ERLIN1: variants seen among roughly 807,000 people sequenced by gnomAD.
ERLIN1 encodes the protein erlin-1.
Under a neutral mutation model 46.9 loss-of-function variants are expected in ERLIN1, and 24 were observed. The observed-to-expected ratio is 0.51, with a 90% CI of 0.37 to 0.72. ERLIN1 has a LOEUF of 0.72. ERLIN1 is among the 30% of genes least tolerant of loss of function. The pLI, the probability that ERLIN1 is intolerant of heterozygous loss-of-function variation, is 0.00. For synonymous variants in ERLIN1, 158 were observed against 143.2 expected, an observed-to-expected ratio of 1.10 and a Z score of -0.74; for missense variants, 293 against 417.9, an observed-to-expected ratio of 0.70 and a Z score of 2.61.
At chr10:100,156,262 A>C in intron 8 of ERLIN1, 28 bp from the exon 9 acceptor site, 1 of 1,450,354 alleles carries the variant, frequency 6.9e-7, no homozygotes, top group Non-Finnish European at 9.7e-7. Flanking sequence ...AAGAAGACAC[A>C]TTCAAAACCA....
At chr10:100,178,245 C>T in intron 3 of ERLIN1, 51 bp from the exon 4 acceptor site, 1 of 1,173,980 alleles carries the variant, frequency 8.5e-7, no homozygotes, top group Non-Finnish European at 1.2e-6. Flanking sequence ...CCATAAAACA[C>T]AGTTATAGAT....
At chr10:100,177,546 T>C (rs533930173) in intron 4 of ERLIN1, among the ~76,000 whole-genome samples, 2 of 152,354 alleles carry the variant, frequency 1.3e-5, no homozygotes, top group East Asian at 3.9e-4. Context: ...CAAATTATTC[T>C]TGCCAAACAC....
At chr10:100,167,718 A>C (rs1843724798) in intron 6 of ERLIN1, among the ~76,000 whole-genome samples, 1 of 152,246 alleles carries the variant, frequency 6.6e-6, no homozygotes, top group African/African-American at 2.4e-5. Context: ...GTCGTTAGAT[A>C]CTTTTGCTTT....
intron 6 of ERLIN1, among the ~76,000 whole-genome samples, chr10:100,169,324 T>C (rs1843851593): frequency 6.6e-6 from 1 of 152,046 alleles, no homozygotes; most frequent in Admixed American, 6.6e-5. Context: ...ATGAAAGGAA[T>C]ATATGTATTG....
intron 8 of ERLIN1, among the ~76,000 whole-genome samples, chr10:100,158,097 G>A (rs1416078357): frequency 6.6e-6 from 1 of 152,168 alleles, no homozygotes; most frequent in Non-Finnish European, 1.5e-5. Flanking sequence ...TGGGACCTGG[G>A]TTTTTACCCA....
chr10:100,168,829 G>A lies in ERLIN1; in HGVS notation c.505-1423C>T, dbSNP rs532453956. Among the ~76,000 whole-genome samples, 32 of 152,034 alleles carry A rather than the reference G, an allele frequency of 2.1e-4. No individual in the cohort carries two copies. The Middle Eastern group carries it at 0.01, about 48-fold the overall frequency. The stretch of plus-strand genomic sequence containing the variant: ...TTAGTTGCTGGGATTACAGGCATGC[G>A]CCACCAAGCCCGACTAATTTTTGTA... On this transcript the variant is annotated intron_variant, in intron 6 of 10. Coordinates refer to ENST00000421367, the MANE Select transcript of ERLIN1 (RefSeq NM_006459.4).
intron 6 of ERLIN1, among the ~76,000 whole-genome samples, chr10:100,170,991 A>G (rs947051352): frequency 1.3e-5 from 2 of 152,232 alleles, no homozygotes; most frequent in African/African-American, 4.8e-5. Context: ...CTGTTACCCA[A>G]TTTGGGGTTG....
At chr10:100,157,278 A>G (rs1363301089) in intron 8 of ERLIN1, among the ~76,000 whole-genome samples, 1 of 152,198 alleles carries the variant, frequency 6.6e-6, no homozygotes, top group African/African-American at 2.4e-5. Context: ...TAGGGAAATA[A>G]AGCAGAAAGC....
Position 100,164,316 on chromosome 10 carries a change from T to C in ERLIN1, c.564-221A>G, listed in dbSNP as rs141322651. ...AAGTCACCCAGAGATAGGAAAAAAATTTAGTACATTTGAATTTTAGTTTGG... is the reference window on the plus strand; with the variant it reads ...AAGTCACCCAGAGATAGGAAAAAAACTTAGTACATTTGAATTTTAGTTTGG... On this transcript the variant is annotated intron_variant, in intron 7 of 10. Transcript: ENST00000421367. 6.1e-3 allele frequency among the ~76,000 whole-genome samples: 925 copies of C among 152,250 alleles called. 11 individuals carry two copies. The highest frequency in any genetic ancestry group is 0.021 in the African/African-American group (873 of 41,550).
At position 100,178,169 on chromosome 10, in the gene ERLIN1, G is replaced by A. The variant is rs1195917300; in HGVS notation, c.268C>T (p.Arg90Ter). Residue 90 changes from arginine (R) to a stop codon, truncating the protein, a stop_gained, in exon 4 of 11, where the codon CGA becomes TGA. Coordinates refer to ENST00000421367, the MANE Select transcript of ERLIN1 (RefSeq NM_006459.4). LOFTEE classifies it high-confidence loss of function. Reference sequence around the variant, plus strand: ...GCCAACATATTAACCACTTCTATTCGGTCAATATAGATCATGACCCCACCA... The same window carrying A: ...GCCAACATATTAACCACTTCTATTCAGTCAATATAGATCATGACCCCACCA... ...TSGGVMIYIDRIEVVNMLAPY... is the reference protein window; with the variant it reads ...TSGGVMIYID The A allele has an allele frequency of 2.5e-6, 4 of 1,577,106 alleles. No homozygotes were observed. The highest frequency in any genetic ancestry group is 3.4e-6 in the Non-Finnish European group (4 of 1,159,826).
At chr10:100,176,999 G>A (rs1259188620) in intron 4 of ERLIN1, among the ~76,000 whole-genome samples, 1 of 152,128 alleles carries the variant, frequency 6.6e-6, no homozygotes, top group Admixed American at 6.5e-5. Context: ...GCATACACCT[G>A]TAGTCCCAGC....
intron 8 of ERLIN1, among the ~76,000 whole-genome samples, chr10:100,159,680 AAAG>A (rs1277734150): frequency 6.7e-6 from 1 of 150,242 alleles, no homozygotes. Context: ...TTCATGAGCC[AAAG>A]AAGAAATTAG....
In ERLIN1 at chr10:100,185,526, G is replaced by A. The variant is rs1844915191; in HGVS notation, c.101C>T (p.Ala34Val). 5 of 1,612,906 alleles carry A rather than the reference G, an allele frequency of 3.1e-6. No individual in the cohort carries two copies. In the South Asian group the frequency reaches 4.4e-5, roughly 14 times the overall value. The change falls in exon 1 of 11, where the codon GCT (alanine) becomes GTT (valine). Residue 34 changes from alanine (A) to valine (V), a missense_variant. By Grantham distance (64) the Ala-to-Val change is moderately conservative. This residue lies in a region of ERLIN1 where 76 missense variants were observed against 77.0 expected (regional missense o/e 0.99). Transcript: ENST00000421367. ...SIHKIEEGHL[A>V]VYYRGGALLT... ...ACATGCCGCTCACCTGTAGTACACAGCCAGATGGCCCTCCTCAATCTTGTG... is the reference window on the plus strand; with the variant it reads ...ACATGCCGCTCACCTGTAGTACACAACCAGATGGCCCTCCTCAATCTTGTG...
intron 6 of ERLIN1, among the ~76,000 whole-genome samples, chr10:100,172,736 ACAGT>A (rs1360632517): frequency 2.6e-5 from 4 of 152,236 alleles, no homozygotes; most frequent in Non-Finnish European, 2.9e-5. Flanking sequence ...GTACATTTGT[ACAGT>A]CAGTTTGAAA....
intron 2 of ERLIN1, among the ~76,000 whole-genome samples, chr10:100,182,814 G>C (rs1844738097): frequency 6.6e-6 from 1 of 152,192 alleles, no homozygotes; most frequent in Non-Finnish European, 1.5e-5. Flanking sequence ...AATGGAGAGT[G>C]AGATGGCAGA....
Position 100,167,402 on chromosome 10 carries a change from A to G in ERLIN1, c.509T>C (p.Val170Ala). The change falls in exon 7 of 11, where the codon GTG becomes GCG. Residue 170 changes from valine (V) to alanine (A), a missense_variant. Val to Ala is a moderately conservative substitution (Grantham distance 64, BLOSUM62 0). This residue lies in a region of ERLIN1 where 148 missense variants were observed against 266.5 expected (regional missense o/e 0.56). Transcript: ENST00000421367. Reference sequence around the variant, plus strand: ...TGGGATTTTGGGTTTTGTAACACGCACAGCCTAAAAAATAAAAGTGAAAAA... The same window carrying G: ...TGGGATTTTGGGTTTTGTAACACGCGCAGCCTAAAAAATAAAAGTGAAAAA... Reference protein sequence around the residue: ...LMAPGLTIQAVRVTKPKIPEA... With the variant: ...LMAPGLTIQAARVTKPKIPEA... 1.2e-6 allele frequency: 2 copies of G among 1,612,264 alleles called. No individual in the cohort carries two copies. The highest frequency in any genetic ancestry group is 4.5e-5 in the East Asian group (2 of 44,834).
At chr10:100,181,880 A>G (rs1473722513) in intron 2 of ERLIN1, among the ~76,000 whole-genome samples, 1 of 152,220 alleles carries the variant, frequency 6.6e-6, no homozygotes, top group East Asian at 1.9e-4. Context: ...TTTTACACAT[A>G]AAGAACATTC....
rs1327272175 is a variant in ERLIN1 at position 100,150,306 on chromosome 10, T to C, written c.*1825A>G. The C allele has an allele frequency of 1.3e-5, 2 of 152,568 alleles. No homozygotes were observed. Among genetic ancestry groups the C allele is most frequent in the East Asian group, 3.8e-4 (2 of 5,200 alleles). The allele number at this position is 152,568 out of a possible 1,614,324, so 9.5% of individuals were successfully genotyped here. On this transcript the variant is annotated 3_prime_UTR_variant, in exon 11 of 11. Transcript: ENST00000421367. Reference sequence around the variant, plus strand: ...AGACTTCACAGCGGCATTTCCCTGTTCCTCAGCCCCGCCTCCAGGGCCATC... The same window carrying C: ...AGACTTCACAGCGGCATTTCCCTGTCCCTCAGCCCCGCCTCCAGGGCCATC...
At chr10:100,173,283 A>T (rs964936401) in intron 6 of ERLIN1, among the ~76,000 whole-genome samples, 1 of 152,204 alleles carries the variant, frequency 6.6e-6, no homozygotes, top group Non-Finnish European at 1.5e-5. Flanking sequence ...AAAGGACACT[A>T]GAGAAGCCTC....
Sources: allele counts gnomAD v4.1 joint callset (sites outside exome capture counted in the v4.1 genomes callset), GRCh38; gene constraint gnomAD v4.1.1; regional missense constraint gnomAD v4.1.1; transcripts MANE v1.5; gene names NCBI Gene and HGNC (gene_info 2026-07-23, HGNC 2026-07-21).